The following MAGI1 variants were observed in gnomAD, a reference collection of about 807,000 sequenced individuals.
The protein encoded by MAGI1 is membrane-associated guanylate kinase, WW and PDZ domain-containing protein 1.
In MAGI1, 58 loss-of-function variants were observed where a neutral mutation model predicts 139.9. The ratio of observed to expected loss-of-function variants is 0.41; its 90% CI spans 0.34 to 0.52. MAGI1 has a LOEUF of 0.52. MAGI1 is among the 20% of genes least tolerant of loss of function. The pLI is 0.12. For synonymous variants in MAGI1, 812 were observed against 737.9 expected, an observed-to-expected ratio of 1.10 and a Z score of -1.63; for missense variants, 1,874 against 1,901.6, an observed-to-expected ratio of 0.99 and a Z score of 0.27.
intron 1 of MAGI1, among the ~76,000 whole-genome samples, chr3:66,014,120 G>C (rs1038080531): frequency 5.3e-5 from 8 of 152,088 alleles, no homozygotes; most frequent in African/African-American, 1.4e-4. Flanking sequence ...CCAATCCTCA[G>C]AGGAAGGTAG....
chr3:65,840,601 AC>A (rs2058771132), intron 1 of MAGI1, among the ~76,000 whole-genome samples: 1 of 152,158 alleles, frequency 6.6e-6, no homozygotes, highest in Non-Finnish European at 1.5e-5. Context: ...TTATATCCCT[AC>A]AATACACCCT....
At chr3:65,696,891 T>C (rs953128261) in intron 1 of MAGI1, among the ~76,000 whole-genome samples, 11 of 140,700 alleles carry the variant, frequency 7.8e-5, no homozygotes, top group South Asian at 4.4e-4. Context: ...CTGAAGGAAA[T>C]AGAGACACAA....
chr3:65,688,252 T>A, intron 1 of MAGI1: 1 of 842,686 alleles, frequency 1.2e-6, no homozygotes, highest in Non-Finnish European at 2.0e-6. Context: ...CAGACTCTGG[T>A]CTGAATCCTC....
intron 1 of MAGI1, among the ~76,000 whole-genome samples, chr3:65,988,254 T>G (rs1018224895): frequency 5.9e-5 from 9 of 152,214 alleles, no homozygotes; most frequent in Admixed American, 1.3e-4. Context: ...CATCCTATTT[T>G]TTTTCATTCA....
At chr3:66,000,782 A>C in intron 1 of MAGI1, among the ~76,000 whole-genome samples, 1 of 152,228 alleles carries the variant, frequency 6.6e-6, no homozygotes, top group Non-Finnish European at 1.5e-5. Flanking sequence ...TCACAGGCTA[A>C]ACCTTTCATA....
At chr3:65,699,993 C>T (rs938865159) in intron 1 of MAGI1, among the ~76,000 whole-genome samples, 2 of 151,954 alleles carry the variant, frequency 1.3e-5, no homozygotes, top group African/African-American at 4.8e-5. Flanking sequence ...TGTACTTTCA[C>T]AAACCCTCCA....
chr3:66,003,199 G>C (rs1560101126), intron 1 of MAGI1, among the ~76,000 whole-genome samples: 2 of 152,040 alleles, frequency 1.3e-5, no homozygotes, highest in Non-Finnish European at 2.9e-5. Context: ...AGAGTCACAG[G>C]GGCAGCCATA....
chr3:65,816,962 C>A (rs572133762), intron 1 of MAGI1, among the ~76,000 whole-genome samples: 1 of 152,070 alleles, frequency 6.6e-6, no homozygotes, highest in Non-Finnish European at 1.5e-5. Flanking sequence ...TTAATGATAG[C>A]GGAATAATGG....
chr3:65,617,747 C>G (rs1017981242), intron 2 of MAGI1, among the ~76,000 whole-genome samples: 5 of 151,986 alleles, frequency 3.3e-5, no homozygotes, highest in Admixed American at 6.6e-5. Context: ...CTGTTTTTCT[C>G]AAATGTTAAG....
At position 65,609,722 on chromosome 3, in the gene MAGI1, C is replaced by T. The variant is rs1440731542; in HGVS notation, c.430+12250G>A. 1.1e-5 allele frequency: 3 copies of T among 265,898 alleles called. No homozygotes were observed. The Admixed American group carries it at 1.2e-4, about 10-fold the overall frequency. The allele number at this position is 265,898 out of a possible 1,614,324, so 16.5% of individuals were successfully genotyped here. A position where few individuals can be genotyped will look rare whatever the true frequency, so the allele number is the denominator to read the frequency against. On this transcript the variant is annotated intron_variant, in intron 2 of 22. Transcript: ENST00000402939. ...ACCTCAGCCTATTGAATTGCTAGAA[C>T]TGCAGGTGTGCACCACCATACCTGG...
chr3:65,529,999 C>T (rs1425680926), intron 2 of MAGI1, among the ~76,000 whole-genome samples: 1 of 152,052 alleles, frequency 6.6e-6, no homozygotes, highest in Non-Finnish European at 1.5e-5. Context: ...TCTCCATATC[C>T]CACCTGTTTA....
At chr3:66,035,965 A>G (rs2068894341) in intron 1 of MAGI1, among the ~76,000 whole-genome samples, 1 of 152,110 alleles carries the variant, frequency 6.6e-6, no homozygotes, top group African/African-American at 2.4e-5. Flanking sequence ...CACTGCAAAC[A>G]CTGCAAGCCA....
chr3:65,731,781 T>A (rs138201871), intron 1 of MAGI1, among the ~76,000 whole-genome samples: 176 of 152,270 alleles, frequency 1.2e-3, no homozygotes, highest in African/African-American at 4.0e-3. Flanking sequence ...AAGCTGTGCT[T>A]ATTTATCCCC....
At chr3:65,959,541 C>T (rs1316238098) in intron 1 of MAGI1, among the ~76,000 whole-genome samples, 1 of 150,958 alleles carries the variant, frequency 6.6e-6, no homozygotes, top group Non-Finnish European at 1.5e-5. Flanking sequence ...GGTTCAAGAT[C>T]CTCCCACCTT....
intron 1 of MAGI1, among the ~76,000 whole-genome samples, chr3:65,841,845 C>T (rs1047206304): frequency 5.3e-5 from 8 of 152,078 alleles, no homozygotes; most frequent in Non-Finnish European, 1.2e-4. Context: ...AGCATCAGGT[C>T]CCGAAATTTA....
chr3:66,015,770 T>A (rs2067603841), intron 1 of MAGI1, among the ~76,000 whole-genome samples: 1 of 152,178 alleles, frequency 6.6e-6, no homozygotes, highest in South Asian at 2.1e-4. Context: ...ACCAGGAAAC[T>A]ACCCTGACAT....
At chr3:65,861,250 A>G (rs1874325) in intron 1 of MAGI1, among the ~76,000 whole-genome samples, 19,820 of 152,194 alleles carry the variant, frequency 0.13, 1,382 homozygotes, top group Non-Finnish European at 0.16. Flanking sequence ...CAAATATTTG[A>G]CGTGCCAACA....
In MAGI1 at chr3:65,357,047, C is replaced by G. The variant is rs747264518; in HGVS notation, c.3720G>C (p.Pro1240=). 1 of 1,614,038 alleles carries G rather than the reference C, an allele frequency of 6.2e-7. No individual in the cohort carries two copies. The highest frequency in any genetic ancestry group is 1.7e-5 in the Admixed American group (1 of 60,008). ...CGGGTGGGTAACTGGACTCCAATGA[C>G]GGATGCTGCCGGCGGTCGGGCCCGG... is the stretch of plus-strand genomic sequence containing the variant. ...VRAGPDRRQH[P]SLESSYPPDL... Residue 1240 remains proline, a synonymous_variant, in exon 23 of 23, where the codon CCG becomes CCC. Transcript: ENST00000402939.
intron 1 of MAGI1, among the ~76,000 whole-genome samples, chr3:65,657,994 T>C (rs1181434437): frequency 3.3e-5 from 5 of 152,208 alleles, no homozygotes; most frequent in Non-Finnish European, 7.3e-5. Context: ...TCTGGTATAA[T>C]TACCAATGAA....
Sources: allele counts gnomAD v4.1 joint callset (sites outside exome capture counted in the v4.1 genomes callset), GRCh38; gene constraint gnomAD v4.1.1; transcripts MANE v1.5; gene names NCBI Gene and HGNC (gene_info 2026-07-23, HGNC 2026-07-21).